The following PRUNE2 variants were observed in gnomAD, a reference collection of about 807,000 sequenced individuals.
PRUNE2 encodes the protein prune homolog 2 with BCH domain.
Under a neutral mutation model 252.0 loss-of-function variants are expected in PRUNE2, and 164 were observed. The ratio of observed to expected loss-of-function variants is 0.65; its 90% CI spans 0.57 to 0.74. The LOEUF is 0.74. PRUNE2 is among the 30% of genes least tolerant of loss of function. The pLI is 0.00. For synonymous variants in PRUNE2, 1,292 were observed against 1,350.2 expected, an observed-to-expected ratio of 0.96 and a Z score of 0.94; for missense variants, 3,495 against 3,711.0, an observed-to-expected ratio of 0.94 and a Z score of 1.51.
intron 15 of PRUNE2, among the ~76,000 whole-genome samples, chr9:76,632,798 C>G (rs1263878450): frequency 2.0e-5 from 3 of 152,224 alleles, no homozygotes; most frequent in Non-Finnish European, 2.9e-5. Flanking sequence ...TTGCCTCAAG[C>G]AATCCTCCTG....
intron 6 of PRUNE2, among the ~76,000 whole-genome samples, chr9:76,811,733 G>A (rs2057369411): frequency 6.6e-6 from 1 of 152,160 alleles, no homozygotes; most frequent in Admixed American, 6.5e-5. Context: ...ATACGCCCAT[G>A]CCCTCAAAGG....
At chr9:76,798,068 T>C (rs1187560286) in intron 6 of PRUNE2, among the ~76,000 whole-genome samples, 1 of 152,198 alleles carries the variant, frequency 6.6e-6, no homozygotes, top group Non-Finnish European at 1.5e-5. Flanking sequence ...TAAAGCAACA[T>C]GGAACTGAAT....
chr9:76,894,973 C>T (rs1184828944), intron 1 of PRUNE2, among the ~76,000 whole-genome samples: 1 of 152,010 alleles, frequency 6.6e-6, no homozygotes, highest in East Asian at 1.9e-4. Flanking sequence ...TTGCAGTGAG[C>T]CAAGATGGCT....
intron 6 of PRUNE2, among the ~76,000 whole-genome samples, chr9:76,811,677 A>G (rs1045514328): frequency 7.9e-5 from 12 of 152,234 alleles, no homozygotes; most frequent in Admixed American, 2.6e-4. Context: ...TTTTATTTAT[A>G]TAAGGTGCAG....
intron 6 of PRUNE2, among the ~76,000 whole-genome samples, chr9:76,802,050 T>C (rs1211923290): frequency 6.6e-6 from 1 of 152,176 alleles, no homozygotes; most frequent in African/African-American, 2.4e-5. Flanking sequence ...TTAATACTAA[T>C]TGAAGCTGAT....
intron 1 of PRUNE2, among the ~76,000 whole-genome samples, chr9:76,871,157 A>G (rs144456789): frequency 2.9e-4 from 43 of 148,628 alleles, no homozygotes; most frequent in African/African-American, 1.1e-3. Flanking sequence ...CCAGTCATCC[A>G]TATCCCTGGG....
At chr9:76,804,321 G>A (rs11145076) in intron 6 of PRUNE2, among the ~76,000 whole-genome samples, 42,597 of 151,984 alleles carry the variant, frequency 0.28, 6,116 homozygotes, top group Middle Eastern at 0.39. Context: ...TGATGCCCCC[G>A]CCCCCTTCCT....
intron 6 of PRUNE2, among the ~76,000 whole-genome samples, chr9:76,755,759 G>A (rs1380276735): frequency 6.6e-6 from 1 of 152,122 alleles, no homozygotes; most frequent in African/African-American, 2.4e-5. Context: ...CTGGAGTGCA[G>A]TGACGCAATC....
chr9:76,665,482 C>G (rs2039968551), intron 9 of PRUNE2, among the ~76,000 whole-genome samples: 1 of 152,170 alleles, frequency 6.6e-6, no homozygotes, highest in South Asian at 2.1e-4. Flanking sequence ...GTGCTTACCT[C>G]ACGTGGATGC....
At chr9:76,761,105 T>G (rs201155518) in intron 6 of PRUNE2, among the ~76,000 whole-genome samples, 7,621 of 119,818 alleles carry the variant, frequency 0.064, 389 homozygotes, top group African/African-American at 0.15. Context: ...AAAAAAAAAA[T>G]ACTCAACAGA....
chr9:76,687,335 G>A (rs2044204606), intron 9 of PRUNE2, among the ~76,000 whole-genome samples: 2 of 152,100 alleles, frequency 1.3e-5, no homozygotes, highest in Non-Finnish European at 2.9e-5. Flanking sequence ...AACCTTTCCT[G>A]GATATTTCTG....
intron 9 of PRUNE2, among the ~76,000 whole-genome samples, chr9:76,700,818 A>G (rs1460795636): frequency 6.6e-6 from 1 of 151,862 alleles, no homozygotes. Context: ...CTCTCCTCTT[A>G]TTTCCTCACT....
At position 76,705,512 on chromosome 9, in the gene PRUNE2, G is replaced by A; in HGVS notation, c.6762C>T (p.Ser2254=). ...CACCAGGCTGACTTTCAGGAGAAAA[G>A]CTGTCTGATATCCAAGAACCGTCAC... ...PEGDGSWISD[S]FSPESQPGAR... Residue 2254 remains serine, a synonymous_variant, in exon 8 of 19, where the codon AGC becomes AGT. Transcript: ENST00000376718. 1 of 1,614,008 alleles carries A rather than the reference G, an allele frequency of 6.2e-7. No homozygotes were observed. The highest frequency in any genetic ancestry group is 1.1e-5 in the South Asian group (1 of 91,086).
intron 6 of PRUNE2, among the ~76,000 whole-genome samples, chr9:76,724,007 C>T (rs1438066354): frequency 6.6e-6 from 1 of 150,722 alleles, no homozygotes; most frequent in East Asian, 2.0e-4. Context: ...TGAGGTTTCA[C>T]CATGGTCTCG....
chr9:76,760,078 G>C (rs1036994354), intron 6 of PRUNE2: 3 of 152,208 alleles, frequency 2.0e-5, no homozygotes, highest in Non-Finnish European at 4.4e-5. Flanking sequence ...AGTTTAAAAA[G>C]CTGGTGCACT....
At chr9:76,808,663 G>A (rs892297469) in intron 6 of PRUNE2, 1 of 152,326 alleles carries the variant, frequency 6.6e-6, no homozygotes, top group Non-Finnish European at 1.5e-5. Context: ...TGGATCAAGA[G>A]ACAAAGACTC....
intron 9 of PRUNE2, among the ~76,000 whole-genome samples, chr9:76,701,732 T>C (rs552307526): frequency 6.6e-6 from 1 of 152,346 alleles, no homozygotes; most frequent in African/African-American, 2.4e-5. Flanking sequence ...TGCACTTGGC[T>C]AATCCTCAAC....
chr9:76,663,181 C>A (rs2039457601), intron 9 of PRUNE2, among the ~76,000 whole-genome samples: 1 of 152,176 alleles, frequency 6.6e-6, no homozygotes, highest in Admixed American at 6.6e-5. Context: ...AATCCCAAGA[C>A]AGGAAATGCT....
intron 1 of PRUNE2, among the ~76,000 whole-genome samples, chr9:76,858,871 G>A (rs762805555): frequency 4.6e-5 from 7 of 152,124 alleles, no homozygotes; most frequent in Non-Finnish European, 8.8e-5. Flanking sequence ...AGGTACCAAG[G>A]CCCTGAGGTG....
Sources: allele counts gnomAD v4.1 joint callset (sites outside exome capture counted in the v4.1 genomes callset), GRCh38; gene constraint gnomAD v4.1.1; transcripts MANE v1.5; gene names NCBI Gene and HGNC (gene_info 2026-07-23, HGNC 2026-07-21).